CYP24A1: variants seen among roughly 807,000 people sequenced by gnomAD.
CYP24A1 encodes cytochrome P450 family 24 subfamily A member 1.
CYP24A1 carries 68 observed loss-of-function variants against 62.4 expected under a neutral mutation model. The observed-to-expected ratio is 1.09, with a 90% CI of 0.90 to 1.33. The LOEUF (loss-of-function observed/expected upper bound fraction) is 1.33, where lower values mean the gene tolerates loss of function less well. Ranked by LOEUF, CYP24A1 falls within the 40% of genes most tolerant of loss-of-function variation. The pLI is 0.00. For synonymous variants in CYP24A1, 267 were observed against 253.0 expected (o/e 1.06, Z -0.52); for missense variants, 787 against 653.0 (o/e 1.21, Z -2.24).
chr20:54,169,425 A>C (rs2092685992), intron 4 of CYP24A1, among the ~76,000 whole-genome samples, 167 bp downstream of exon 4: 1 of 152,178 alleles, frequency 6.6e-6, no homozygotes, highest in Non-Finnish European at 1.5e-5. Flanking sequence ...TTAACAATCC[A>C]TAGTTCAAGG....
chr20:54,169,228 C>T (rs1175593446), intron 4 of CYP24A1, among the ~76,000 whole-genome samples: 5 of 152,104 alleles, frequency 3.3e-5, no homozygotes, highest in African/African-American at 9.7e-5. Context: ...AACTCCCTTT[C>T]TCTTTTCCTT....
rs2092635600 is a variant in CYP24A1 at position 54,157,971 on chromosome 20, TC to T, written c.1236+114del. 11 of 1,527,478 alleles carry T rather than the reference TC, an allele frequency of 7.2e-6. No individual in the cohort carries two copies. The East Asian group carries it at 2.6e-4, about 36-fold the overall frequency. The allele number at this position is 1,527,478 out of a possible 1,614,324, so 94.6% of individuals were successfully genotyped here. On this transcript the variant is annotated intron_variant, in intron 9 of 11. Transcript: ENST00000216862. Reference sequence around the variant, plus strand: ...AACATGTCAACTATTCTCTACCATCTCTGCATTCCCAAAATGAATATTTTCC... The same window carrying T: ...AACATGTCAACTATTCTCTACCATCTTGCATTCCCAAAATGAATATTTTCC...
At chr20:54,161,004 G>T (rs138559923) in intron 7 of CYP24A1, among the ~76,000 whole-genome samples, 8 of 152,328 alleles carry the variant, frequency 5.3e-5, no homozygotes, top group African/African-American at 1.9e-4. Context: ...ACCAGCCAGA[G>T]CCCACTTTTA....
chr20:54,173,245 A>C lies in CYP24A1; in HGVS notation c.258+77T>G. Reference sequence around the variant, plus strand: ...AGCGCACCATGCGCCCGAGGCGCGCATGTCGGGGAGGGTTTGGAGCGCCAC... The same window carrying C: ...AGCGCACCATGCGCCCGAGGCGCGCCTGTCGGGGAGGGTTTGGAGCGCCAC... On this transcript the variant is annotated intron_variant, in intron 1 of 11. Transcript: ENST00000216862. The surrounding 1 kb of genome is among the most constrained non-coding windows in gnomAD (Gnocchi z 7.2). 6.6e-7 allele frequency: 1 copy of C among 1,523,398 alleles called. No homozygotes were observed. The highest frequency in any genetic ancestry group is 9.1e-7 in the Non-Finnish European group (1 of 1,104,050). The allele number at this position is 1,523,398 out of a possible 1,614,324, so 94.4% of individuals were successfully genotyped here.
Position 54,173,261 on chromosome 20 carries a change from G to C in CYP24A1, c.258+61C>G. Reference sequence around the variant, plus strand: ...GAGGCGCGCATGTCGGGGAGGGTTTGGAGCGCCACTGGGAGGGCGGAAGAG... The same window carrying C: ...GAGGCGCGCATGTCGGGGAGGGTTTCGAGCGCCACTGGGAGGGCGGAAGAG... On this transcript the variant is annotated intron_variant, in intron 1 of 11. Transcript: ENST00000216862. This position sits in a 1 kb window ranked among gnomAD's most constrained non-coding sequence, Gnocchi z 7.2. 1 of 1,547,000 alleles carries C rather than the reference G, an allele frequency of 6.5e-7. No individual in the cohort carries two copies. The highest frequency in any genetic ancestry group is 1.7e-4 in the Middle Eastern group (1 of 5,902).
At chr20:54,154,832 C>G (rs34468579) in intron 11 of CYP24A1, 71 bp from the exon 12 acceptor site, 1 of 151,018 alleles carries the variant, frequency 6.6e-6, no homozygotes, top group Admixed American at 6.7e-5. Context: ...CCTAAATATT[C>G]TTTATAAGCT....
At chr20:54,151,158 G>C (rs8117026), downstream of CYP24A1, among the ~76,000 whole-genome samples, 13,457 of 152,166 alleles carry the variant, frequency 0.088, 863 homozygotes, top group East Asian at 0.28. Flanking sequence ...TGCTAAACAA[G>C]GGGTGGGCTA....
chr20:54,165,459 C>T (rs553073694), intron 5 of CYP24A1, among the ~76,000 whole-genome samples: 20 of 152,278 alleles, frequency 1.3e-4, no homozygotes, highest in East Asian at 1.9e-4. Context: ...GCACAGTAAA[C>T]GTAATGCACT....
chr20:54,162,228 T>G (rs2092653394), intron 7 of CYP24A1, among the ~76,000 whole-genome samples: 2 of 47,514 alleles, frequency 4.2e-5, no homozygotes, highest in South Asian at 5.9e-4. Flanking sequence ...GCCTTTTTTT[T>G]TTTTTTTTTT....
At position 54,164,541 on chromosome 20, in the gene CYP24A1, A is replaced by G; in HGVS notation, c.755T>C (p.Met252Thr). Residue 252 changes from methionine to threonine, a missense_variant, in exon 6 of 12, where the codon ATG becomes ACG. Met to Thr is a moderately conservative substitution (Grantham distance 81). Coordinates refer to ENST00000216862, the MANE Select transcript of CYP24A1 (RefSeq NM_000782.5). The part of the protein sequence containing the change: ...IKTMMSTFGR[M>T]MVTPVELHKS... The stretch of plus-strand genomic sequence containing the variant: ...GTGCAGCTCGACTGGAGTGACCATC[A>G]TCCTCCCAAACGTGCTCATCATCTG... 6.2e-7 allele frequency: 1 copy of G among 1,614,154 alleles called. No individual in the cohort carries two copies.
At chr20:54,144,665 A>C in the CYP24A1 span, among the ~76,000 whole-genome samples, 1 of 148,594 alleles carries the variant, frequency 6.7e-6, no homozygotes, top group South Asian at 2.1e-4. Context: ...CTAATATATT[A>C]ATATATATTA....
rs116065115 is a variant in CYP24A1, at chr20:54,157,195, G to A, written c.1529C>T (p.Ala510Val). ...TGAGGCGTATTATCGCTGGCAAAAC[G>A]CGATGGGGAGTTCCCGGCTGGGCAC... is the stretch of plus-strand genomic sequence containing the variant. The part of the protein sequence containing the change: ...TLVPSRELPI[A>V]FCQR The change falls in exon 11 of 12, where the codon GCG becomes GTG. Residue 510 changes from alanine to valine, a missense_variant. Physicochemically the swap from Ala to Val is moderately conservative, Grantham distance 64 (BLOSUM62 0). Transcript: ENST00000216862. 1,420 of 1,598,908 alleles carry A rather than the reference G, an allele frequency of 8.9e-4. 17 individuals carry two copies. The African/African-American group carries it at 0.017, about 19-fold the overall frequency.
downstream of CYP24A1, among the ~76,000 whole-genome samples, chr20:54,151,215 G>A (rs1347169581): frequency 2.6e-5 from 4 of 152,126 alleles, no homozygotes; most frequent in African/African-American, 9.7e-5. Flanking sequence ...GGAACTGAGG[G>A]TTCCTCCCCC....
At chr20:54,164,318 C>G in intron 6 of CYP24A1, 134 bp downstream of exon 6, 1 of 1,533,520 alleles carries the variant, frequency 6.5e-7, no homozygotes, top group Non-Finnish European at 8.9e-7. Flanking sequence ...CTGGGGCAAT[C>G]CCCAAAACAC....
chr20:54,172,761 C>G, intron 2 of CYP24A1, 148 bp downstream of exon 2: 3 of 1,512,360 alleles, frequency 2.0e-6, no homozygotes, highest in Non-Finnish European at 2.6e-6. Context: ...CTCAGGGTTG[C>G]GATGGCACGG....
the CYP24A1 span, among the ~76,000 whole-genome samples, chr20:54,147,645 A>G: frequency 2.0e-5 from 3 of 152,206 alleles, no homozygotes; most frequent in Non-Finnish European, 2.9e-5. Flanking sequence ...ATCATGTACC[A>G]GACAGCTTCT....
At chr20:54,158,526 C>G (rs904229621) in intron 8 of CYP24A1, among the ~76,000 whole-genome samples, 4 of 152,116 alleles carry the variant, frequency 2.6e-5, no homozygotes, top group African/African-American at 9.7e-5. Flanking sequence ...TCCTTCTAAT[C>G]CTAAAATGTT....
chr20:54,162,396 T>C (rs1349922216), intron 7 of CYP24A1, among the ~76,000 whole-genome samples: 1 of 151,486 alleles, frequency 6.6e-6, no homozygotes, highest in Non-Finnish European at 1.5e-5. Flanking sequence ...GCAGTTTGCA[T>C]GGACATCATG....
Position 54,157,219 on chromosome 20 carries a change from AC to A in CYP24A1, c.1504del (p.Val502CysfsTer74). The stretch of plus-strand genomic sequence containing the variant: ...CGCGATGGGGAGTTCCCGGCTGGGC[AC>A]CAGGGTGCCTGAGTGTAGCATCTCA... ...PVEMLHSGTL[V>X]PSRELPIAFC... On this transcript the variant is annotated frameshift_variant, in exon 11 of 12. Transcript: ENST00000216862. LOFTEE classifies it high-confidence loss of function. 6.2e-7 allele frequency: 1 copy of A among 1,613,196 alleles called. No individual in the cohort carries two copies. The highest frequency in any genetic ancestry group is 8.5e-7 in the Non-Finnish European group (1 of 1,179,184).
Sources: gnomAD v4.1 joint callset for allele counts (sites outside exome capture counted in the v4.1 genomes callset) on GRCh38, gnomAD v4.1.1 for gene constraint, Gnocchi (gnomAD v3.1) non-coding constraint, MANE v1.5 for transcripts, NCBI Gene and HGNC (gene_info 2026-07-23, HGNC 2026-07-21) for gene names.